Variants in FAF1 observed in about 807,000 individuals in gnomAD.
The protein encoded by FAF1 is FAS-associated factor 1.
In FAF1, 25 loss-of-function variants were observed where a neutral mutation model predicts 92.5. That is an observed-to-expected ratio of 0.27 (90% CI 0.20 to 0.38). The LOEUF (loss-of-function observed/expected upper bound fraction) is 0.38. Ranked by LOEUF, FAF1 falls within the 10% of genes least tolerant of loss-of-function variation. The pLI, the probability that FAF1 is intolerant of heterozygous loss-of-function variation, is 1.00. For missense variants in FAF1, 636 were observed against 793.3 expected, an observed-to-expected ratio of 0.80 and a Z score of 2.38; for synonymous variants, 234 against 273.2, an observed-to-expected ratio of 0.86 and a Z score of 1.42.
chr1:50,490,647 C>G lies in FAF1; in HGVS notation c.1594G>C (p.Glu532Gln). ...DRAKREAHER[E>Q]MAEQFRLEQI... The stretch of plus-strand genomic sequence containing the variant: ...TCCAAACGAAACTGTTCTGCCATCT[C>G]TCTCTCGTGAGCTTCCCTCTGTTGA... Residue 532 changes from glutamate (E) to glutamine (Q), a missense_variant, in exon 17 of 19, where the codon GAG (glutamate) becomes CAG (glutamine). Physicochemically the swap from Glu to Gln is conservative, Grantham distance 29. Coordinates refer to ENST00000396153, the MANE Select transcript of FAF1 (RefSeq NM_007051.3). 1.1e-5 allele frequency: 18 copies of G among 1,612,292 alleles called. No individual in the cohort carries two copies. Among genetic ancestry groups the G allele is most frequent in the Non-Finnish European group, 1.4e-5 (17 of 1,178,300 alleles).
intron 4 of FAF1, among the ~76,000 whole-genome samples, chr1:50,784,527 C>T (rs1036799489): frequency 2.0e-4 from 30 of 152,088 alleles, no homozygotes; most frequent in African/African-American, 7.2e-4. Flanking sequence ...CAAAACATTG[C>T]TGAAAGAAAT....
intron 8 of FAF1, among the ~76,000 whole-genome samples, chr1:50,634,150 A>C (rs1653910590): frequency 6.6e-6 from 1 of 152,162 alleles, no homozygotes; most frequent in Non-Finnish European, 1.5e-5. Context: ...ACCATGCATA[A>C]ATGTTCATTT....
intron 2 of FAF1, among the ~76,000 whole-genome samples, chr1:50,846,234 T>G (rs1644297747): frequency 6.6e-6 from 1 of 151,194 alleles, no homozygotes; most frequent in Admixed American, 6.6e-5. Flanking sequence ...CAATAAAAAT[T>G]ACAATGCATA....
At chr1:50,606,068 T>C (rs867006273) in intron 8 of FAF1, among the ~76,000 whole-genome samples, 9 of 152,182 alleles carry the variant, frequency 5.9e-5, no homozygotes, top group Admixed American at 1.3e-4. Context: ...ATATGTAGCA[T>C]AGTGGACTAG....
At chr1:50,601,692 C>CATATAT (rs754925660) in intron 8 of FAF1, among the ~76,000 whole-genome samples, 1 of 147,922 alleles carries the variant, frequency 6.8e-6, no homozygotes, top group East Asian at 2.0e-4. Flanking sequence ...CATATATATT[C>CATATAT]ATATATATAT....
intron 1 of FAF1, among the ~76,000 whole-genome samples, chr1:50,953,696 G>A (rs1162281345): frequency 1.3e-5 from 2 of 151,604 alleles, no homozygotes; most frequent in African/African-American, 2.4e-5. Context: ...CCAAGATCAC[G>A]CCACTGCACT....
intron 12 of FAF1, among the ~76,000 whole-genome samples, chr1:50,581,988 T>G (rs532963388): frequency 6.6e-6 from 1 of 151,982 alleles, no homozygotes; most frequent in Admixed American, 6.5e-5. Context: ...GTTATGGGCT[T>G]CTTCTTATAG....
intron 4 of FAF1, among the ~76,000 whole-genome samples, chr1:50,754,447 T>C (rs1392125821): frequency 6.6e-6 from 1 of 152,182 alleles, no homozygotes; most frequent in East Asian, 1.9e-4. Flanking sequence ...ACAGACACTA[T>C]TACCAATTTT....
chr1:50,658,997 C>A (rs1655253744), intron 7 of FAF1, among the ~76,000 whole-genome samples: 1 of 151,878 alleles, frequency 6.6e-6, no homozygotes, highest in African/African-American at 2.4e-5. Context: ...ATTACAATTC[C>A]ATTTTCTTTA....
chr1:50,748,732 T>C (rs1035614681), intron 4 of FAF1, among the ~76,000 whole-genome samples: 8 of 152,222 alleles, frequency 5.3e-5, no homozygotes, highest in African/African-American at 1.7e-4. Flanking sequence ...AGGTTGCTGC[T>C]AGTCTACAGT....
chr1:50,655,378 A>G, intron 8 of FAF1, 64 bp downstream of exon 8: 1 of 1,040,942 alleles, frequency 9.6e-7, no homozygotes, highest in Non-Finnish European at 1.5e-6. Context: ...TATCAAAGCC[A>G]ATTAGACTGA....
At chr1:50,808,295 C>T (rs2124601823) in intron 2 of FAF1, among the ~76,000 whole-genome samples, 1 of 152,190 alleles carries the variant, frequency 6.6e-6, no homozygotes, top group East Asian at 1.9e-4. Flanking sequence ...TAATACAGGC[C>T]ATCATAAAAA....
At chr1:50,836,512 C>T (rs1024351909) in intron 2 of FAF1, among the ~76,000 whole-genome samples, 1 of 152,016 alleles carries the variant, frequency 6.6e-6, no homozygotes, top group Non-Finnish European at 1.5e-5. Context: ...ACAGTTTATT[C>T]TTTGTGGAGA....
intron 2 of FAF1, among the ~76,000 whole-genome samples, chr1:50,848,150 A>T (rs920421499): frequency 9.9e-5 from 15 of 151,448 alleles, no homozygotes; most frequent in African/African-American, 2.0e-4. Context: ...AAAATAATTT[A>T]AAAAAAACAA....
At chr1:50,791,686 C>T (rs1300190333) in intron 3 of FAF1, among the ~76,000 whole-genome samples, 1 of 152,204 alleles carries the variant, frequency 6.6e-6, no homozygotes. Flanking sequence ...GTCTCCTCTG[C>T]GCTTCATGAT....
chr1:50,842,956 C>T (rs1644267561), intron 2 of FAF1, among the ~76,000 whole-genome samples: 1 of 152,156 alleles, frequency 6.6e-6, no homozygotes, highest in Admixed American at 6.5e-5. Context: ...GCCACATCCC[C>T]TGTGCCTAAA....
At chr1:50,612,596 A>G (rs958738131) in intron 8 of FAF1, 6 of 423,312 alleles carry the variant, frequency 1.4e-5, no homozygotes, top group Non-Finnish European at 1.9e-5. Context: ...TAGCAAATAT[A>G]AGAGCTCTGG....
chr1:50,538,283 T>C (rs1572817554), intron 14 of FAF1, among the ~76,000 whole-genome samples: 1 of 151,170 alleles, frequency 6.6e-6, no homozygotes, highest in Non-Finnish European at 1.5e-5. Context: ...TATACTTTAG[T>C]ATGCAGCAGA....
rs368923982 is a variant in FAF1, at chr1:50,720,905, CAGA to C, written c.552-15017_552-15015del. Among the ~76,000 whole-genome samples, 28 of 152,262 alleles carry C rather than the reference CAGA, an allele frequency of 1.8e-4. No homozygotes were observed. In the South Asian group the frequency reaches 4.6e-3, roughly 25 times the overall value. ...TCATAACTTGTATCATACCATCCACCAGAAGCCCCACGCTCCTATTCCTTTCTG... is the reference window on the plus strand; with the variant it reads ...TCATAACTTGTATCATACCATCCACCAGCCCCACGCTCCTATTCCTTTCTG... On this transcript the variant is annotated intron_variant, in intron 6 of 18. Transcript: ENST00000396153.
Sources: gnomAD v4.1 joint callset for allele counts (sites outside exome capture counted in the v4.1 genomes callset) on GRCh38, gnomAD v4.1.1 for gene constraint, MANE v1.5 for transcripts, NCBI Gene and HGNC (gene_info 2026-07-23, HGNC 2026-07-21) for gene names.